Variants in NR3C1 observed in about 807,000 individuals in gnomAD.
The protein encoded by NR3C1 is nuclear receptor subfamily 3 group C member 1, also known as glucocorticoid receptor.
In NR3C1, 14 loss-of-function variants were observed where a neutral mutation model predicts 74.0. That is an observed-to-expected ratio of 0.19 (90% CI 0.12 to 0.30). The LOEUF is 0.30. NR3C1 is among the 10% of genes least tolerant of loss of function. The probability of loss-of-function intolerance (pLI) is 1.00; values close to 1 mark genes in which losing one functional copy is unlikely to be tolerated. For missense variants in NR3C1, 695 were observed against 909.8 expected (o/e 0.76, Z 3.04); for synonymous variants, 308 against 332.5 (o/e 0.93, Z 0.80).
chr5:143,316,941 G>C (rs541694384), intron 2 of NR3C1, among the ~76,000 whole-genome samples: 3 of 152,214 alleles, frequency 2.0e-5, no homozygotes, highest in African/African-American at 4.8e-5. Context: ...CAGATGACAA[G>C]GGAAAGTAAA....
At chr5:143,417,028 C>T (rs1321104771) in intron 1 of NR3C1, among the ~76,000 whole-genome samples, 2 of 152,092 alleles carry the variant, frequency 1.3e-5, no homozygotes, top group African/African-American at 2.4e-5. Context: ...TGGTAATCCT[C>T]TAAGAAATGT....
At chr5:143,286,541 A>G (rs1052240624) in intron 7 of NR3C1, among the ~76,000 whole-genome samples, 8 of 152,160 alleles carry the variant, frequency 5.3e-5, no homozygotes, top group Non-Finnish European at 7.4e-5. Context: ...GCATATGATA[A>G]AAGTTTTTTT....
chr5:143,298,944 T>C (rs1817867028), intron 5 of NR3C1, 132 bp from the exon 6 acceptor site: 4 of 770,580 alleles, frequency 5.2e-6, no homozygotes, highest in Non-Finnish European at 8.6e-6. Context: ...GGAAATTAAA[T>C]ACTAGGTAGA....
At chr5:143,413,739 C>A (rs1017331615) in intron 1 of NR3C1, among the ~76,000 whole-genome samples, 1 of 152,038 alleles carries the variant, frequency 6.6e-6, no homozygotes, top group Non-Finnish European at 1.5e-5. Flanking sequence ...ATCCCTGGAC[C>A]AATAACTATG....
chr5:143,417,357 G>A (rs905433310), intron 1 of NR3C1, among the ~76,000 whole-genome samples: 1 of 152,042 alleles, frequency 6.6e-6, no homozygotes, highest in Non-Finnish European at 1.5e-5. Flanking sequence ...TCTCATCAGT[G>A]GCAGGGGAAT....
At chr5:143,414,604 T>A (rs1176573729) in intron 1 of NR3C1, among the ~76,000 whole-genome samples, 2 of 152,230 alleles carry the variant, frequency 1.3e-5, no homozygotes, top group African/African-American at 4.8e-5. Context: ...TGTGTTTCTG[T>A]TCATCAGACT....
Position 143,300,152 on chromosome 5 carries a change from G to A in NR3C1, c.1747+333C>T, listed in dbSNP as rs1818200348. On this transcript the variant is annotated intron_variant, in intron 5 of 8. Transcript: ENST00000394464. This position sits in a 1 kb window ranked among gnomAD's most constrained non-coding sequence, Gnocchi z 5.2. ...TGATTTTTAAAAGTGGCACAATGAA[G>A]GAAAACAAATGGAATTAACTAAAAA... Among the ~76,000 whole-genome samples, 1 of 152,122 alleles carries A rather than the reference G, an allele frequency of 6.6e-6. No individual in the cohort carries two copies. Among genetic ancestry groups the A allele is most frequent in the South Asian group, 2.1e-4 (1 of 4,834 alleles).
At chr5:143,331,971 T>A (rs1007597796) in intron 2 of NR3C1, among the ~76,000 whole-genome samples, 5 of 151,974 alleles carry the variant, frequency 3.3e-5, no homozygotes, top group Non-Finnish European at 5.9e-5. Context: ...TTTTGGGGAG[T>A]GGGCAGGGGA....
At chr5:143,358,195 T>C (rs569310202) in intron 2 of NR3C1, among the ~76,000 whole-genome samples, 4 of 152,328 alleles carry the variant, frequency 2.6e-5, no homozygotes, top group African/African-American at 9.6e-5. Context: ...ACATTTACTA[T>C]ATACAGAACT....
At chr5:143,326,401 C>A (rs1824613185) in intron 2 of NR3C1, among the ~76,000 whole-genome samples, 1 of 152,196 alleles carries the variant, frequency 6.6e-6, no homozygotes, top group African/African-American at 2.4e-5. Flanking sequence ...GATACAAAAG[C>A]ATTCAGTCAC....
At chr5:143,396,078 A>G (rs548585800) in intron 2 of NR3C1, among the ~76,000 whole-genome samples, 2 of 151,990 alleles carry the variant, frequency 1.3e-5, no homozygotes, top group South Asian at 2.1e-4. Flanking sequence ...TAACATATGA[A>G]TTATGTTACC....
At chr5:143,401,251 T>C in intron 1 of NR3C1, 1 of 237,912 alleles carries the variant, frequency 4.2e-6, no homozygotes, top group Non-Finnish European at 8.4e-6. Context: ...ATCATTAAAA[T>C]TCCTACCTCT....
intron 2 of NR3C1, among the ~76,000 whole-genome samples, chr5:143,383,727 T>C (rs1836677582): frequency 6.6e-6 from 1 of 152,256 alleles, no homozygotes; most frequent in South Asian, 2.1e-4. Flanking sequence ...TATGGCACAC[T>C]GGTATGTTGT....
chr5:143,435,217 C>T (rs1412679482), exon 1 of NR3C1: 2 of 985,404 alleles, frequency 2.0e-6, no homozygotes, highest in African/African-American at 3.5e-5. Flanking sequence ...CTTTCTGTTT[C>T]TATTCCTTCC....
intron 2 of NR3C1, among the ~76,000 whole-genome samples, chr5:143,382,509 G>A (rs1360184511): frequency 1.3e-5 from 2 of 152,150 alleles, no homozygotes; most frequent in South Asian, 4.1e-4. Context: ...ATAACTTCAG[G>A]AGTGCTTTTT....
intron 2 of NR3C1, among the ~76,000 whole-genome samples, chr5:143,319,301 G>A (rs796124771): frequency 1.9e-4 from 29 of 152,274 alleles, no homozygotes; most frequent in African/African-American, 6.5e-4. Flanking sequence ...AGAGAAAGGG[G>A]CAGAGTTGGT....
chr5:143,432,912 C>T (rs771760468), intron 1 of NR3C1, among the ~76,000 whole-genome samples: 107 of 152,284 alleles, frequency 7.0e-4, no homozygotes, highest in Non-Finnish European at 1.1e-3. Flanking sequence ...CACGTTCATT[C>T]GTTCCTTTTC....
At chr5:143,372,633 T>C (rs1193128865) in intron 2 of NR3C1, among the ~76,000 whole-genome samples, 4 of 152,362 alleles carry the variant, frequency 2.6e-5, no homozygotes, top group African/African-American at 9.6e-5. Flanking sequence ...AAGGGTTCCC[T>C]GTGTTTTATC....
chr5:143,344,646 G>A (rs1406219221), intron 2 of NR3C1, among the ~76,000 whole-genome samples: 1 of 152,218 alleles, frequency 6.6e-6, no homozygotes, highest in Admixed American at 6.5e-5. Context: ...GCCAAGGCGG[G>A]TGGATCACCT....
Sources: gnomAD v4.1 joint callset for allele counts (sites outside exome capture counted in the v4.1 genomes callset) on GRCh38, gnomAD v4.1.1 for gene constraint, Gnocchi (gnomAD v3.1) non-coding constraint, MANE v1.5 for transcripts, NCBI Gene and HGNC (gene_info 2026-07-23, HGNC 2026-07-21) for gene names.